The following TRPM3 variants were observed in gnomAD, a reference collection of about 807,000 sequenced individuals.
TRPM3 encodes long transient receptor potential channel 3.
TRPM3 carries 77 observed loss-of-function variants against 181.2 expected under a neutral mutation model. The ratio of observed to expected loss-of-function variants is 0.42; its 90% CI spans 0.35 to 0.51. The LOEUF (loss-of-function observed/expected upper bound fraction) is 0.51. Ranked by LOEUF, TRPM3 falls within the 20% of genes least tolerant of loss-of-function variation. The pLI is 0.01. For synonymous variants in TRPM3, 745 were observed against 796.4 expected, an observed-to-expected ratio of 0.94 and a Z score of 1.09; for missense variants, 1,759 against 2,196.7, an observed-to-expected ratio of 0.80 and a Z score of 3.98.
intron 1 of TRPM3, among the ~76,000 whole-genome samples, chr9:71,108,764 T>C (rs1008163655): frequency 7.2e-5 from 11 of 152,292 alleles, no homozygotes; most frequent in African/African-American, 2.2e-4. Context: ...TTTCAGTCAT[T>C]GGTATTTTAG....
intron 1 of TRPM3, among the ~76,000 whole-genome samples, chr9:71,277,747 T>C (rs2084338098): frequency 6.6e-6 from 1 of 152,204 alleles, no homozygotes; most frequent in Admixed American, 6.5e-5. Context: ...AAATATCTAA[T>C]CTGTATTAAA....
chr9:71,170,736 G>A (rs541028126), intron 1 of TRPM3, among the ~76,000 whole-genome samples: 2 of 152,272 alleles, frequency 1.3e-5, no homozygotes, highest in African/African-American at 4.8e-5. Context: ...CAGCTTAGGA[G>A]GATGTATACT....
intron 24 of TRPM3, among the ~76,000 whole-genome samples, chr9:70,550,454 T>G (rs560368103): frequency 6.6e-6 from 1 of 152,234 alleles, no homozygotes; most frequent in South Asian, 2.1e-4. Context: ...GGCTCTTCAT[T>G]TTTTGTTAAG....
intron 1 of TRPM3, among the ~76,000 whole-genome samples, chr9:70,912,593 A>G (rs76919919): frequency 1.4e-3 from 216 of 152,324 alleles, no homozygotes; most frequent in African/African-American, 4.9e-3. Context: ...TGGGTAGCTT[A>G]TCTTAAAATC....
chr9:71,166,188 C>G (rs1056233975), intron 1 of TRPM3, among the ~76,000 whole-genome samples: 2 of 152,140 alleles, frequency 1.3e-5, no homozygotes, highest in East Asian at 3.9e-4. Flanking sequence ...TACAGGGAAA[C>G]TAGCTGACCC....
In TRPM3 at chr9:70,530,405, G is replaced by C. The variant is rs2275224; in HGVS notation, c.*5548C>G. Reference sequence around the variant, plus strand: ...TCCTCCAGAGGAAGGCATGGGTCCTGATTGGCACTGACACTCTTTACAAAG... The same window carrying C: ...TCCTCCAGAGGAAGGCATGGGTCCTCATTGGCACTGACACTCTTTACAAAG... On this transcript the variant is annotated 3_prime_UTR_variant, in exon 26 of 26. Coordinates refer to ENST00000677713, the MANE Select transcript of TRPM3 (RefSeq NM_001366145.2). The C allele has an allele frequency of 1.3e-5, 2 of 152,340 alleles. No homozygotes were observed. The highest frequency in any genetic ancestry group is 3.9e-4 in the East Asian group (2 of 5,182). The allele number at this position is 152,340 out of a possible 1,614,324, so 9.4% of individuals were successfully genotyped here.
chr9:70,828,345 C>G (rs1027948743), intron 5 of TRPM3, among the ~76,000 whole-genome samples: 1 of 152,110 alleles, frequency 6.6e-6, no homozygotes, highest in African/African-American at 2.4e-5. Context: ...CTAATGATCC[C>G]AAAATAATTT....
At chr9:70,617,793 C>T (rs796104205) in intron 17 of TRPM3, among the ~76,000 whole-genome samples, 6 of 152,128 alleles carry the variant, frequency 3.9e-5, no homozygotes, top group Admixed American at 2.0e-4. Flanking sequence ...GATGAAACCC[C>T]GTCTGTACTA....
chr9:70,861,811 T>G (rs1321501528), intron 3 of TRPM3, among the ~76,000 whole-genome samples: 2 of 152,064 alleles, frequency 1.3e-5, no homozygotes, highest in Non-Finnish European at 2.9e-5. Context: ...AAATAGCACA[T>G]TTTTCTTTCT....
At chr9:70,758,630 G>C (rs1336285491) in intron 8 of TRPM3, among the ~76,000 whole-genome samples, 1 of 152,126 alleles carries the variant, frequency 6.6e-6, no homozygotes, top group African/African-American at 2.4e-5. Context: ...TGCCAAAACA[G>C]ATATATACAC....
chr9:70,860,826 A>G (rs1375899958), intron 3 of TRPM3, among the ~76,000 whole-genome samples: 1 of 152,200 alleles, frequency 6.6e-6, no homozygotes, highest in African/African-American at 2.4e-5. Context: ...GATTAATTTT[A>G]TATCTATTGT....
chr9:71,416,213 A>T (rs1280280993), intron 1 of TRPM3, among the ~76,000 whole-genome samples: 2 of 151,904 alleles, frequency 1.3e-5, no homozygotes, highest in Non-Finnish European at 2.9e-5. Context: ...AAATCAGAAT[A>T]GGTACTTAAG....
At chr9:70,945,759 T>C (rs111777171) in intron 1 of TRPM3, among the ~76,000 whole-genome samples, 2,992 of 152,274 alleles carry the variant, frequency 0.02, 50 homozygotes, top group East Asian at 0.047. Context: ...CCCTAAAATA[T>C]AGAACAAGTT....
intron 8 of TRPM3, among the ~76,000 whole-genome samples, chr9:70,691,620 C>CAGT (rs2068584704): frequency 6.6e-6 from 1 of 152,132 alleles, no homozygotes; most frequent in Non-Finnish European, 1.5e-5. Flanking sequence ...ATTCCTCCCA[C>CAGT]CGTCATTTAA....
In TRPM3 at chr9:70,615,940, T is replaced by C; in HGVS notation, c.2494A>G (p.Lys832Glu). ...KEAEEPEKPT[K>E]EKEEEDMELT... ...TCCATGTCCTCTTCCTCTTTTTCCT[T>C]TGTGGGCTTCTCTGGTTCTTCTGCC... Residue 832 changes from lysine to glutamate, a missense_variant, in exon 18 of 26, where the codon AAG (lysine) becomes GAG (glutamate). This residue lies in a region of TRPM3 where 114 missense variants were observed against 134.8 expected (regional missense o/e 0.85). Transcript: ENST00000677713. 1.2e-6 allele frequency: 2 copies of C among 1,611,766 alleles called. No individual in the cohort carries two copies. Among genetic ancestry groups the C allele is most frequent in the Non-Finnish European group, 8.5e-7 (1 of 1,179,258 alleles).
rs1329005985 is a variant in TRPM3, at chr9:70,761,624, C to T, written c.1249G>A (p.Glu417Lys). Residue 417 changes from glutamate (E) to lysine (K), a missense_variant, in exon 8 of 26, where the codon GAG (glutamate) becomes AAG (lysine). Transcript: ENST00000677713. ...ACCAATTCCTTCTTCTTCATGCACT[C>T]CATGAGGATGATGAACAGATGCTGA... ...QAQHLFIILM[E>K]CMKKKELITV... The T allele has an allele frequency of 2.5e-6, 4 of 1,613,966 alleles. No individual in the cohort carries two copies. The highest frequency in any genetic ancestry group is 2.2e-5 in the South Asian group (2 of 91,084).
chr9:70,696,891 C>G (rs1355868931), intron 8 of TRPM3, among the ~76,000 whole-genome samples: 1 of 152,188 alleles, frequency 6.6e-6, no homozygotes, highest in Non-Finnish European at 1.5e-5. Context: ...TTCTTCTCTC[C>G]TTGCTCCTGT....
At chr9:70,559,607 A>G (rs116304022) in intron 22 of TRPM3, among the ~76,000 whole-genome samples, 143 of 152,308 alleles carry the variant, frequency 9.4e-4, no homozygotes, top group African/African-American at 3.3e-3. Context: ...CTGAGCCAAG[A>G]TGTGACCTTG....
At chr9:71,209,879 C>T (rs533031240) in intron 1 of TRPM3, among the ~76,000 whole-genome samples, 5 of 152,296 alleles carry the variant, frequency 3.3e-5, no homozygotes, top group South Asian at 4.1e-4. Context: ...ATTATAATGG[C>T]AGAATTGAGA....
Sources: gnomAD v4.1 joint callset for allele counts (sites outside exome capture counted in the v4.1 genomes callset) on GRCh38, gnomAD v4.1.1 for gene constraint, gnomAD v4.1.1 regional missense constraint, MANE v1.5 for transcripts, NCBI Gene and HGNC (gene_info 2026-07-23, HGNC 2026-07-21) for gene names.